CCDC85A: variants seen among roughly 807,000 people sequenced by gnomAD.
The protein encoded by CCDC85A is coiled-coil domain containing 85A.
Under a neutral mutation model 50.2 loss-of-function variants are expected in CCDC85A, and 38 were observed. The observed-to-expected ratio is 0.76, with a 90% CI of 0.58 to 0.99. The LOEUF (loss-of-function observed/expected upper bound fraction) is 0.99. Among genes scored for constraint, CCDC85A ranks in the 50% least tolerant of loss-of-function variants. The pLI is 0.00. For synonymous variants in CCDC85A, 366 were observed against 301.4 expected, an observed-to-expected ratio of 1.21 and a Z score of -2.22; for missense variants, 820 against 742.0, an observed-to-expected ratio of 1.11 and a Z score of -1.22.
chr2:56,210,187 A>G (rs1403508764), intron 2 of CCDC85A, among the ~76,000 whole-genome samples: 2 of 152,080 alleles, frequency 1.3e-5, no homozygotes, highest in African/African-American at 4.8e-5. Context: ...CATGTAATCT[A>G]TGTACTACAT....
chr2:56,281,753 A>G (rs185995229), intron 2 of CCDC85A, among the ~76,000 whole-genome samples: 6 of 152,174 alleles, frequency 3.9e-5, no homozygotes, highest in Admixed American at 2.0e-4. Flanking sequence ...TTAGCTGTTT[A>G]TCTTTTTCAT....
At chr2:56,334,156 G>A (rs1040880845) in intron 2 of CCDC85A, among the ~76,000 whole-genome samples, 1 of 152,094 alleles carries the variant, frequency 6.6e-6, no homozygotes, top group Non-Finnish European at 1.5e-5. Flanking sequence ...TGCCTTTGTT[G>A]TACAAATCAC....
chr2:56,344,764 C>G (rs942710605), intron 3 of CCDC85A, among the ~76,000 whole-genome samples: 1 of 151,966 alleles, frequency 6.6e-6, no homozygotes, highest in Admixed American at 6.6e-5. Context: ...AAGAAACCTA[C>G]AAAATCTAGT....
At chr2:56,380,384 AAGAC>A (rs1254486441) in intron 5 of CCDC85A, among the ~76,000 whole-genome samples, 1 of 152,080 alleles carries the variant, frequency 6.6e-6, no homozygotes, top group East Asian at 1.9e-4. Context: ...TAAGGTAAGA[AAGAC>A]AGATAAGAAC....
chr2:56,304,915 AAAAC>A (rs149177609), intron 2 of CCDC85A, among the ~76,000 whole-genome samples: 20,682 of 148,936 alleles, frequency 0.14, 1,628 homozygotes, highest in Admixed American at 0.22. Flanking sequence ...CAAAAAACAA[AAAAC>A]AAACAAACAA....
chr2:56,303,257 A>C (rs1010009987), intron 2 of CCDC85A, among the ~76,000 whole-genome samples: 1 of 152,170 alleles, frequency 6.6e-6, no homozygotes, highest in African/African-American at 2.4e-5. Flanking sequence ...CATGGCACGT[A>C]GTAAATAGTT....
At chr2:56,291,469 G>A (rs945104846) in intron 2 of CCDC85A, among the ~76,000 whole-genome samples, 1 of 152,220 alleles carries the variant, frequency 6.6e-6, no homozygotes, top group African/African-American at 2.4e-5. Flanking sequence ...AAATAGCAGT[G>A]TGGGGGCTAC....
intron 2 of CCDC85A, among the ~76,000 whole-genome samples, chr2:56,335,819 C>T (rs1202130166): frequency 1.3e-5 from 2 of 151,986 alleles, no homozygotes; most frequent in African/African-American, 4.8e-5. Context: ...CCAGGCTAGC[C>T]TCAAACTCCT....
intron 2 of CCDC85A, among the ~76,000 whole-genome samples, chr2:56,301,396 G>C (rs2104190100): frequency 6.6e-6 from 1 of 152,266 alleles, no homozygotes; most frequent in South Asian, 2.1e-4. Flanking sequence ...CTGGGTGCTG[G>C]TTAAAATGTG....
chr2:56,346,915 G>A (rs1028373148), intron 3 of CCDC85A, among the ~76,000 whole-genome samples: 11 of 152,198 alleles, frequency 7.2e-5, no homozygotes, highest in Admixed American at 6.5e-4. Context: ...GTGATGTGAT[G>A]TGAACCTCAA....
At position 56,184,343 on chromosome 2, in the gene CCDC85A, C is replaced by A. The variant is rs1290916640; in HGVS notation, c.-282C>A. On this transcript the variant is annotated 5_prime_UTR_variant, in exon 1 of 6. Coordinates refer to ENST00000407595, the MANE Select transcript of CCDC85A (RefSeq NM_001080433.2). ...TTTCCCGCGGCAGCCCCGGGCTCCCCAGTGCCCCTCACCATGGACTTGCGC... is the reference window on the plus strand; with the variant it reads ...TTTCCCGCGGCAGCCCCGGGCTCCCAAGTGCCCCTCACCATGGACTTGCGC... 8.0e-6 allele frequency: 4 copies of A among 497,376 alleles called. No homozygotes were observed. The highest frequency in any genetic ancestry group is 1.2e-5 in the Non-Finnish European group (4 of 345,576). 30.8% of individuals were successfully genotyped at this position (497,376 alleles called of 1,614,324 possible).
intron 3 of CCDC85A, among the ~76,000 whole-genome samples, chr2:56,362,798 T>C (rs980699491): frequency 2.0e-5 from 3 of 151,988 alleles, no homozygotes; most frequent in Admixed American, 2.0e-4. Context: ...TTTTGTATTT[T>C]TTTTTAGTGG....
chr2:56,385,032 A>G lies in CCDC85A; in HGVS notation c.*677A>G, dbSNP rs1215825379. 1.3e-5 allele frequency: 2 copies of G among 152,342 alleles called. No individual in the cohort carries two copies. Among genetic ancestry groups the G allele is most frequent in the South Asian group, 2.1e-4 (1 of 4,824 alleles). The allele number at this position is 152,342 out of a possible 1,614,324, so 9.4% of individuals were successfully genotyped here. ...TTATCAGAGAGTACCATTTACTTCAATTGATCAATATAAATATATCTTTTT... is the reference window on the plus strand; with the variant it reads ...TTATCAGAGAGTACCATTTACTTCAGTTGATCAATATAAATATATCTTTTT... On this transcript the variant is annotated 3_prime_UTR_variant, in exon 6 of 6. Coordinates refer to ENST00000407595, the MANE Select transcript of CCDC85A (RefSeq NM_001080433.2).
At chr2:56,311,803 C>T (rs775144068) in intron 2 of CCDC85A, among the ~76,000 whole-genome samples, 2 of 152,100 alleles carry the variant, frequency 1.3e-5, no homozygotes, top group South Asian at 2.1e-4. Flanking sequence ...GTCTCACCAT[C>T]GGTGCAGGGA....
rs574974270 is a variant in CCDC85A at position 56,310,740 on chromosome 2, A to G, written c.1241-32139A>G. On this transcript the variant is annotated intron_variant, in intron 2 of 5. Coordinates refer to ENST00000407595, the MANE Select transcript of CCDC85A (RefSeq NM_001080433.2). ...GAACTGTGTATTGCTAAGAAAAAAA[A>G]GCACCCAGAATTTTTCCAGGATGCT... Among the ~76,000 whole-genome samples, 34 of 152,282 alleles carry G rather than the reference A, an allele frequency of 2.2e-4. No homozygotes were observed. The East Asian group carries it at 5.8e-3, about 26-fold the overall frequency.
At chr2:56,273,832 A>C (rs189879328) in intron 2 of CCDC85A, among the ~76,000 whole-genome samples, 4 of 152,170 alleles carry the variant, frequency 2.6e-5, no homozygotes, top group African/African-American at 7.2e-5. Flanking sequence ...AGTTTATAGA[A>C]TATCTGATGT....
intron 2 of CCDC85A, among the ~76,000 whole-genome samples, chr2:56,311,403 A>C (rs906473054): frequency 2.0e-5 from 3 of 151,514 alleles, no homozygotes; most frequent in African/African-American, 7.3e-5. Context: ...TATTCTGGTG[A>C]GAGTTGTTTT....
intron 5 of CCDC85A, among the ~76,000 whole-genome samples, chr2:56,376,234 T>C (rs916152395): frequency 2.0e-4 from 30 of 152,298 alleles, no homozygotes; most frequent in African/African-American, 6.7e-4. Flanking sequence ...TGTAAAAAAT[T>C]GTGATAGGTA....
At chr2:56,294,639 C>T (rs1671868461) in intron 2 of CCDC85A, among the ~76,000 whole-genome samples, 1 of 152,132 alleles carries the variant, frequency 6.6e-6, no homozygotes, top group African/African-American at 2.4e-5. Flanking sequence ...TCAGTCATTT[C>T]CTCTATGATT....
Sources: gnomAD v4.1 joint callset for allele counts (sites outside exome capture counted in the v4.1 genomes callset) on GRCh38, gnomAD v4.1.1 for gene constraint, MANE v1.5 for transcripts, NCBI Gene and HGNC (gene_info 2026-07-23, HGNC 2026-07-21) for gene names.